Variants in TLE4 observed in about 807,000 individuals in gnomAD.
TLE4 encodes TLE family member 4, transcriptional corepressor.
TLE4 carries 8 observed loss-of-function variants against 92.8 expected under a neutral mutation model. That is an observed-to-expected ratio of 0.09 (90% CI 0.05 to 0.16). The LOEUF (loss-of-function observed/expected upper bound fraction) is 0.16, where lower values mean the gene tolerates loss of function less well. TLE4 is among the 10% of genes least tolerant of loss of function. The pLI, the probability that TLE4 is intolerant of heterozygous loss-of-function variation, is 1.00. For synonymous variants in TLE4, 371 were observed against 374.1 expected, an observed-to-expected ratio of 0.99 and a Z score of 0.10; for missense variants, 675 against 997.6, an observed-to-expected ratio of 0.68 and a Z score of 4.36.
At chr9:79,704,484 T>A (rs75511213) in intron 8 of TLE4, among the ~76,000 whole-genome samples, 5,747 of 152,190 alleles carry the variant, frequency 0.038, 240 homozygotes, top group African/African-American at 0.1. Context: ...CTGTTTTGAG[T>A]TTACACTAAT....
intron 6 of TLE4, among the ~76,000 whole-genome samples, chr9:79,644,210 T>C (rs2057698481): frequency 6.6e-6 from 1 of 152,144 alleles, no homozygotes; most frequent in Non-Finnish European, 1.5e-5. Flanking sequence ...CCCCCTTCAC[T>C]CGGCTCTCAT....
chr9:79,720,422 GTGTA>G (rs199868690), intron 16 of TLE4, 129 bp downstream of exon 16: 1 of 847,554 alleles, frequency 1.2e-6, no homozygotes, highest in Non-Finnish European at 1.5e-6. Context: ...GTGTGTGTGT[GTGTA>G]AAGTGATATA....
chr9:79,635,166 C>G (rs986764757), intron 6 of TLE4, among the ~76,000 whole-genome samples: 2 of 152,100 alleles, frequency 1.3e-5, no homozygotes, highest in Non-Finnish European at 2.9e-5. Context: ...TTATTTTAGC[C>G]ATCCTAATAG....
intron 8 of TLE4, among the ~76,000 whole-genome samples, chr9:79,662,806 C>T (rs2060739391): frequency 6.6e-6 from 1 of 152,206 alleles, no homozygotes; most frequent in South Asian, 2.1e-4. Context: ...TCTCATTAGG[C>T]TTGAGCTTTT....
chr9:79,621,991 T>G (rs1435137947), intron 5 of TLE4, among the ~76,000 whole-genome samples: 5 of 152,224 alleles, frequency 3.3e-5, no homozygotes, highest in Non-Finnish European at 5.9e-5. Context: ...CCTTCTTTAC[T>G]TTTCCCAGAT....
intron 4 of TLE4, among the ~76,000 whole-genome samples, chr9:79,597,689 A>G (rs1192203216): frequency 2.6e-5 from 4 of 152,114 alleles, no homozygotes; most frequent in Admixed American, 6.6e-5. Flanking sequence ...CTTCCCTCTT[A>G]TTCATTAGCC....
intron 1 of TLE4, chr9:79,573,125 G>T (rs117665650): frequency 7.7e-5 from 49 of 638,344 alleles, no homozygotes; most frequent in Non-Finnish European, 9.6e-5. Flanking sequence ...CTCCTCGAGG[G>T]GGGGTGGCGA....
intron 8 of TLE4, among the ~76,000 whole-genome samples, chr9:79,690,437 A>G (rs916514739): frequency 1.3e-5 from 2 of 152,146 alleles, no homozygotes; most frequent in Non-Finnish European, 2.9e-5. Flanking sequence ...TGTCTTAAGT[A>G]CTGGGTACCA....
intron 8 of TLE4, among the ~76,000 whole-genome samples, chr9:79,699,443 A>G (rs1301582454): frequency 6.6e-6 from 1 of 152,174 alleles, no homozygotes; most frequent in Non-Finnish European, 1.5e-5. Context: ...AAACTTGGCC[A>G]TTTTTGAGAG....
At chr9:79,577,793 C>T (rs1164754281) in intron 4 of TLE4, among the ~76,000 whole-genome samples, 1 of 152,098 alleles carries the variant, frequency 6.6e-6, no homozygotes, top group Non-Finnish European at 1.5e-5. Context: ...ACTTAGTTTC[C>T]AGGTCTCCTT....
At chr9:79,668,913 G>A (rs2061824573) in intron 8 of TLE4, 2 of 803,578 alleles carry the variant, frequency 2.5e-6, no homozygotes, top group Non-Finnish European at 1.5e-6. Context: ...GATAATGCTG[G>A]CATTTTATTC....
intron 5 of TLE4, among the ~76,000 whole-genome samples, chr9:79,621,683 GC>G (rs972468562): frequency 1.3e-5 from 2 of 152,138 alleles, no homozygotes; most frequent in African/African-American, 4.8e-5. Context: ...AATCTGCTCA[GC>G]CCCGGCAGTG....
intron 8 of TLE4, among the ~76,000 whole-genome samples, chr9:79,666,342 C>T (rs1462696697): frequency 6.6e-6 from 1 of 151,846 alleles, no homozygotes; most frequent in Admixed American, 6.6e-5. Flanking sequence ...ATTCTCCTGC[C>T]TCAGCCTCCC....
chr9:79,572,922 C>T (rs895335916), intron 1 of TLE4, 87 bp downstream of exon 1: 31 of 1,444,376 alleles, frequency 2.1e-5, no homozygotes, highest in Admixed American at 2.1e-4. Context: ...GTCTTTTGGC[C>T]GGAGGGGCGT....
At chr9:79,607,909 T>G (rs1056277829) in intron 4 of TLE4, among the ~76,000 whole-genome samples, 1 of 152,082 alleles carries the variant, frequency 6.6e-6, no homozygotes, top group Non-Finnish European at 1.5e-5. Context: ...ATATGAACTT[T>G]AAAGTAGTTT....
rs1374464350 is a variant in TLE4 at position 79,661,463 on chromosome 9, G to C, written c.609+7388G>C. Reference sequence around the variant, plus strand: ...AATAAGGGCTGTAATTTTGGACTTAGAGAGTCATATCTGATTACTGCCATG... The same window carrying C: ...AATAAGGGCTGTAATTTTGGACTTACAGAGTCATATCTGATTACTGCCATG... On this transcript the variant is annotated intron_variant, in intron 8 of 19. Transcript: ENST00000376552. 2.6e-5 allele frequency among the ~76,000 whole-genome samples: 4 copies of C among 152,298 alleles called. No individual in the cohort carries two copies. In the East Asian group the frequency reaches 5.8e-4, roughly 22 times the overall value.
chr9:79,643,318 T>C (rs190029713), intron 6 of TLE4, among the ~76,000 whole-genome samples: 1 of 152,318 alleles, frequency 6.6e-6, no homozygotes, highest in Admixed American at 6.5e-5. Flanking sequence ...CCCCCTAATA[T>C]TTCAGTGTGC....
chr9:79,623,231 A>T lies in TLE4; in HGVS notation c.316-4143A>T, dbSNP rs549189790. 1.3e-4 allele frequency among the ~76,000 whole-genome samples: 19 copies of T among 151,886 alleles called. No individual in the cohort carries two copies. The South Asian group carries it at 3.9e-3, about 32-fold the overall frequency. On this transcript the variant is annotated intron_variant, in intron 5 of 19. Coordinates refer to ENST00000376552, the MANE Select transcript of TLE4 (RefSeq NM_007005.6). ...TTTTTTTAATTCTGAGGTGTACTAT[A>T]GCTTTTTATTACGGTTTTTTATTAG...
chr9:79,619,703 A>G (rs984624435), intron 5 of TLE4, among the ~76,000 whole-genome samples: 4 of 152,174 alleles, frequency 2.6e-5, no homozygotes, highest in African/African-American at 9.7e-5. Flanking sequence ...AGTTGGAGCC[A>G]TTTTGTCAGT....
Sources: allele counts gnomAD v4.1 joint callset (sites outside exome capture counted in the v4.1 genomes callset), GRCh38; gene constraint gnomAD v4.1.1; transcripts MANE v1.5; gene names NCBI Gene and HGNC (gene_info 2026-07-23, HGNC 2026-07-21).